SOCS4: variants seen among roughly 807,000 people sequenced by gnomAD.
The protein encoded by SOCS4 is SH2 domain containing SOCS box protein.
In SOCS4, 20 loss-of-function variants were observed where a neutral mutation model predicts 34.1. The observed-to-expected ratio is 0.59, with a 90% CI of 0.41 to 0.85. The LOEUF is 0.85. Among genes scored for constraint, SOCS4 ranks in the 40% least tolerant of loss-of-function variants. The pLI is 0.00. For synonymous variants in SOCS4, 180 were observed against 186.4 expected, an observed-to-expected ratio of 0.97 and a Z score of 0.28; for missense variants, 479 against 532.4, an observed-to-expected ratio of 0.90 and a Z score of 0.99.
At position 55,048,225 on chromosome 14, in the gene SOCS4, C is replaced by CT. The variant is rs2042694374; in HGVS notation, c.*3862dup. 1 of 167,064 alleles carries CT rather than the reference C, an allele frequency of 6.0e-6. No homozygotes were observed. The highest frequency in any genetic ancestry group is 1.5e-5 in the Non-Finnish European group (1 of 68,144). The allele number at this position is 167,064 out of a possible 1,614,324, so 10.3% of individuals were successfully genotyped here. ...ATGAGCCACTGTGCCCGGCCAAGAT[C>CT]TAACTCACGCTTACTTTTCATTAAA... On this transcript the variant is annotated 3_prime_UTR_variant, in exon 3 of 3. Transcript: ENST00000555846.
intron 2 of SOCS4, among the ~76,000 whole-genome samples, chr14:55,035,897 C>T (rs2042568313): frequency 6.6e-6 from 1 of 151,484 alleles, no homozygotes; most frequent in Non-Finnish European, 1.5e-5. Context: ...CAAGAAACAC[C>T]CACTGCATGC....
At position 55,045,071 on chromosome 14, in the gene SOCS4, T is replaced by G. The variant is rs2042662524; in HGVS notation, c.*707T>G. 1 of 167,042 alleles carries G rather than the reference T, an allele frequency of 6.0e-6. No individual in the cohort carries two copies. The highest frequency in any genetic ancestry group is 6.5e-5 in the Admixed American group (1 of 15,286). The allele number at this position is 167,042 out of a possible 1,614,324, so 10.3% of individuals were successfully genotyped here. On this transcript the variant is annotated 3_prime_UTR_variant, in exon 3 of 3. Transcript: ENST00000555846. ...GAGGTGCACTTACTCTTCTACAATG[T>G]GGCCGGATCATTTGTCATTCCTGAA...
intron 1 of SOCS4, among the ~76,000 whole-genome samples, chr14:55,028,163 TC>T (rs775522802): frequency 1.7e-4 from 26 of 152,230 alleles, no homozygotes; most frequent in Non-Finnish European, 2.9e-4. Flanking sequence ...ATTGTTTTTT[TC>T]AATCTAGTTC....
At chr14:55,038,781 G>A (rs2042593729) in intron 2 of SOCS4, among the ~76,000 whole-genome samples, 1 of 152,140 alleles carries the variant, frequency 6.6e-6, no homozygotes, top group Non-Finnish European at 1.5e-5. Context: ...GTTCCACCCT[G>A]TTCTCCACCC....
rs552155337 is a variant in SOCS4, at chr14:55,034,798, C to A, written c.-91+2807C>A. On this transcript the variant is annotated intron_variant, in intron 2 of 2. Coordinates refer to ENST00000555846, the MANE Select transcript of SOCS4 (RefSeq NM_199421.2). ...TTGCGCCACTGCACTCCAGCCTGGG[C>A]GACAGAGTGAGACTTCACCTCAAAA... Among the ~76,000 whole-genome samples, 53 of 147,880 alleles carry A rather than the reference C, an allele frequency of 3.6e-4. 3 individuals carry two copies. In the South Asian group the frequency reaches 0.011, roughly 31 times the overall value.
rs1319549532 is a variant in SOCS4, at chr14:55,048,806, T to G, written c.*4442T>G. 1 of 167,048 alleles carries G rather than the reference T, an allele frequency of 6.0e-6. No individual in the cohort carries two copies. Among genetic ancestry groups the G allele is most frequent in the Admixed American group, 6.5e-5 (1 of 15,292 alleles). 10.3% of individuals were successfully genotyped at this position (167,048 alleles called of 1,614,324 possible). A position where few individuals can be genotyped will look rare whatever the true frequency, so the allele number is the denominator to read the frequency against. Reference sequence around the variant, plus strand: ...TCCTATAAAATGTAGGTGATACTTGTAACTCGACTTCCTGGAGTTAATTCT... The same window carrying G: ...TCCTATAAAATGTAGGTGATACTTGGAACTCGACTTCCTGGAGTTAATTCT... On this transcript the variant is annotated 3_prime_UTR_variant, in exon 3 of 3. Coordinates refer to ENST00000555846, the MANE Select transcript of SOCS4 (RefSeq NM_199421.2).
rs1275637720 is a variant in SOCS4 at position 55,044,293 on chromosome 14, T to C, written c.1252T>C (p.Tyr418His). Residue 418 changes from tyrosine (Y) to histidine (H), a missense_variant, in exon 3 of 3, where the codon TAT (tyrosine) becomes CAT (histidine). Physicochemically the swap from Tyr to His is moderately conservative, Grantham distance 83. Transcript: ENST00000555846. ...ALPIPSSMKLYLKEYHYKSKV... is the reference protein window; with the variant it reads ...ALPIPSSMKLHLKEYHYKSKV... ...TCCAATTCCTTCTTCTATGAAATTA[T>C]ATCTGAAGGAATATCATTATAAATC... 4 of 1,613,770 alleles carry C rather than the reference T, an allele frequency of 2.5e-6. No homozygotes were observed. The highest frequency in any genetic ancestry group is 1.1e-5 in the South Asian group (1 of 91,072).
rs1271184928 is a variant in SOCS4, at chr14:55,048,895, C to G, written c.*4531C>G. 1 of 167,036 alleles carries G rather than the reference C, an allele frequency of 6.0e-6. No homozygotes were observed. Among genetic ancestry groups the G allele is most frequent in the African/African-American group, 2.4e-5 (1 of 41,450 alleles). The allele number at this position is 167,036 out of a possible 1,614,324, so 10.3% of individuals were successfully genotyped here. On this transcript the variant is annotated 3_prime_UTR_variant, in exon 3 of 3. Transcript: ENST00000555846. ...TTGCTGTACAGCCATTGAGTACTAA[C>G]ATGATGATAGGTTTTCAAAATATCT...
intron 2 of SOCS4, among the ~76,000 whole-genome samples, chr14:55,035,543 G>A (rs955192618): frequency 6.6e-6 from 1 of 152,114 alleles, no homozygotes; most frequent in African/African-American, 2.4e-5. Context: ...GAGGTATTCT[G>A]TGATTTCTTC....
intron 1 of SOCS4, among the ~76,000 whole-genome samples, 157 bp from the exon 2 acceptor site, chr14:55,031,706 G>T (rs892082137): frequency 1.3e-5 from 2 of 152,178 alleles, no homozygotes; most frequent in African/African-American, 2.4e-5. Flanking sequence ...AGTCCCATGA[G>T]CCCTGGCTCA....
Position 55,043,319 on chromosome 14 carries a change from A to G in SOCS4, c.278A>G (p.Gln93Arg). The change falls in exon 3 of 3, where the codon CAG becomes CGG. Residue 93 changes from glutamine to arginine, a missense_variant. Transcript: ENST00000555846. The part of the protein sequence containing the change: ...GHRFLGRSLK[Q>R]KLQDAVGQCF... ...CGATTTTTAGGCCGATCTCTTAAACAGAAACTGCAAGATGCCGTGGGGCAG... is the reference window on the plus strand; with the variant it reads ...CGATTTTTAGGCCGATCTCTTAAACGGAAACTGCAAGATGCCGTGGGGCAG... The G allele has an allele frequency of 6.2e-7, 1 of 1,614,248 alleles. No homozygotes were observed. Among genetic ancestry groups the G allele is most frequent in the Non-Finnish European group, 8.5e-7 (1 of 1,180,034 alleles).
chr14:55,034,819 CAAA>C (rs543244514), intron 2 of SOCS4, among the ~76,000 whole-genome samples: 14 of 112,414 alleles, frequency 1.2e-4, no homozygotes, highest in Middle Eastern at 4.5e-3. Context: ...GACTTCACCT[CAAA>C]AAAAAAAAAA....
At chr14:55,028,666 G>C (rs1026822506) in intron 1 of SOCS4, among the ~76,000 whole-genome samples, 8 of 152,144 alleles carry the variant, frequency 5.3e-5, no homozygotes, top group Non-Finnish European at 1.0e-4. Context: ...ATACCCATGA[G>C]ACTATGATTG....
intron 2 of SOCS4, among the ~76,000 whole-genome samples, chr14:55,033,159 A>G (rs1373250136): frequency 6.6e-6 from 1 of 152,132 alleles, no homozygotes; most frequent in Non-Finnish European, 1.5e-5. Context: ...AGAACCCTAC[A>G]CTTTTTTTTT....
rs530258745 is a variant in SOCS4 at position 55,029,244 on chromosome 14, T to A, written c.-220+1773T>A. Among the ~76,000 whole-genome samples the A allele has an allele frequency of 2.6e-4, 39 of 152,352 alleles. No individual in the cohort carries two copies. In the South Asian group the frequency reaches 7.7e-3, roughly 30 times the overall value. On this transcript the variant is annotated intron_variant, in intron 1 of 2. Transcript: ENST00000555846. ...TGTAACTTAAATATTAGCAAAATTG[T>A]CTAGTTAGTTAAAATAACATAGTTT...
Position 55,043,495 on chromosome 14 carries a change from GCTCCT to G in SOCS4, c.455_459del (p.Ala152AspfsTer7). 6.2e-7 allele frequency: 1 copy of G among 1,614,160 alleles called. No homozygotes were observed. On this transcript the variant is annotated frameshift_variant, in exon 3 of 3. Coordinates refer to ENST00000555846, the MANE Select transcript of SOCS4 (RefSeq NM_199421.2). LOFTEE classifies it high-confidence loss of function. Reference sequence around the variant, plus strand: ...GTGGCATTTTATTAAACGACACACTGCTCCTATAAATTCCAAATCAGATGAATGGG... The same window carrying G: ...GTGGCATTTTATTAAACGACACACTGATAAATTCCAAATCAGATGAATGGG...
At chr14:55,039,504 A>G (rs2042599309) in intron 2 of SOCS4, among the ~76,000 whole-genome samples, 1 of 152,198 alleles carries the variant, frequency 6.6e-6, no homozygotes, top group Non-Finnish European at 1.5e-5. Flanking sequence ...AATCACTGAA[A>G]CATTTTATAA....
At position 55,044,116 on chromosome 14, in the gene SOCS4, G is replaced by C; in HGVS notation, c.1075G>C (p.Gly359Arg). 6.2e-7 allele frequency: 1 copy of C among 1,614,030 alleles called. No individual in the cohort carries two copies. Among genetic ancestry groups the C allele is most frequent in the South Asian group, 1.1e-5 (1 of 91,070 alleles). Residue 359 changes from glycine (G) to arginine (R), a missense_variant, in exon 3 of 3, where the codon GGG becomes CGG. Physicochemically the swap from Gly to Arg is moderately radical, Grantham distance 125. Coordinates refer to ENST00000555846, the MANE Select transcript of SOCS4 (RefSeq NM_199421.2). ...PCVFHSPDIT[G>R]LLEHYKDPSA... ...TGTCTTCCATTCTCCTGACATTACT[G>C]GGCTCCTAGAACATTATAAGGACCC...
chr14:55,042,742 T>A (rs1391789408), intron 2 of SOCS4, among the ~76,000 whole-genome samples: 1 of 152,222 alleles, frequency 6.6e-6, no homozygotes, highest in East Asian at 1.9e-4. Context: ...GAACTCACTC[T>A]TCACTCTATG....
Sources: allele counts gnomAD v4.1 joint callset (sites outside exome capture counted in the v4.1 genomes callset), GRCh38; gene constraint gnomAD v4.1.1; transcripts MANE v1.5; gene names NCBI Gene and HGNC (gene_info 2026-07-23, HGNC 2026-07-21).